STXBP4: variants seen among roughly 807,000 people sequenced by gnomAD.
STXBP4 encodes syntaxin-binding protein 4.
A neutral mutation model predicts 76.1 loss-of-function variants in STXBP4; 55 were observed. The ratio of observed to expected loss-of-function variants is 0.72; its 90% CI spans 0.58 to 0.91. The LOEUF (loss-of-function observed/expected upper bound fraction) is 0.91, where lower values mean the gene tolerates loss of function less well. Among genes scored for constraint, STXBP4 ranks in the 40% least tolerant of loss-of-function variants. STXBP4 has a pLI of 0.00. For missense variants in STXBP4, 618 were observed against 636.9 expected, an observed-to-expected ratio of 0.97 and a Z score of 0.32; for synonymous variants, 201 against 220.2, an observed-to-expected ratio of 0.91 and a Z score of 0.77.
chr17:55,055,837 C>G (rs1245264039), intron 12 of STXBP4, among the ~76,000 whole-genome samples: 2 of 152,186 alleles, frequency 1.3e-5, no homozygotes, highest in Non-Finnish European at 2.9e-5. Flanking sequence ...ATAACTATTA[C>G]TATCTTACAT....
Position 54,984,319 on chromosome 17 carries a change from G to A in STXBP4, c.-156-1295G>A, listed in dbSNP as rs552495841. Reference sequence around the variant, plus strand: ...TGTTTCTGAGTCTTCAATTTCTCTGGGACTCTCTTTTTCTTTTTTCTTTTT... The same window carrying A: ...TGTTTCTGAGTCTTCAATTTCTCTGAGACTCTCTTTTTCTTTTTTCTTTTT... On this transcript the variant is annotated intron_variant, in intron 1 of 17. Transcript: ENST00000376352. Among the ~76,000 whole-genome samples the A allele has an allele frequency of 3.3e-5, 5 of 149,492 alleles. No individual in the cohort carries two copies. The East Asian group carries it at 9.7e-4, about 29-fold the overall frequency.
At chr17:55,073,879 T>TC (rs1185747508) in intron 13 of STXBP4, among the ~76,000 whole-genome samples, 1 of 152,146 alleles carries the variant, frequency 6.6e-6, no homozygotes, top group Non-Finnish European at 1.5e-5. Flanking sequence ...TCCACCAGTC[T>TC]CGGCCTTCCA....
rs1264350461 is a variant in STXBP4, at chr17:55,162,773, C to G, written c.*2862C>G. On this transcript the variant is annotated 3_prime_UTR_variant, in exon 18 of 18. Coordinates refer to ENST00000376352, the MANE Select transcript of STXBP4 (RefSeq NM_178509.6). ...GAGTGATTTTACTCAAAGGAAATCA[C>G]ACTATTAAGCAGCTTGGTTTTGACA... 6.6e-6 allele frequency: 1 copy of G among 152,154 alleles called. No homozygotes were observed. Among genetic ancestry groups the G allele is most frequent in the Non-Finnish European group, 1.5e-5 (1 of 68,020 alleles). The allele number at this position is 152,154 out of a possible 1,614,324, so 9.4% of individuals were successfully genotyped here. A position where few individuals can be genotyped will look rare whatever the true frequency, so the allele number is the denominator to read the frequency against.
At chr17:55,205,225 A>G in the STXBP4 span, among the ~76,000 whole-genome samples, 1 of 152,056 alleles carries the variant, frequency 6.6e-6, no homozygotes, top group African/African-American at 2.4e-5. Context: ...GAATAGAGAA[A>G]TAGATCTATA....
intron 8 of STXBP4, among the ~76,000 whole-genome samples, chr17:55,010,267 C>A (rs2078085690): frequency 6.6e-6 from 1 of 151,788 alleles, no homozygotes; most frequent in African/African-American, 2.4e-5. Flanking sequence ...TATATATACA[C>A]ACATACAAAC....
intron 13 of STXBP4, among the ~76,000 whole-genome samples, chr17:55,076,198 T>C (rs939447296): frequency 6.6e-6 from 1 of 152,166 alleles, no homozygotes; most frequent in Non-Finnish European, 1.5e-5. Context: ...TTTGTCAGTA[T>C]TTTAGTTCTT....
chr17:55,007,420 C>T (rs944795719), intron 7 of STXBP4, 86 bp from the exon 8 acceptor site: 3 of 889,594 alleles, frequency 3.4e-6, no homozygotes, highest in Non-Finnish European at 5.4e-6. Context: ...TATTTTTGAA[C>T]AGCAGGAACT....
rs760386476 is a variant in STXBP4, at chr17:54,992,705, C to CTTT, written c.180+1769_180+1771dup. Among the ~76,000 whole-genome samples, 201 of 96,816 alleles carry CTTT rather than the reference C, an allele frequency of 2.1e-3. 1 individual carries two copies. The highest frequency in any genetic ancestry group is 6.3e-3 in the East Asian group (17 of 2,678). The allele number at this position is 96,816 out of a possible 152,430, so 63.5% of individuals were successfully genotyped here. A position where few individuals can be genotyped will look rare whatever the true frequency, so the allele number is the denominator to read the frequency against. The stretch of plus-strand genomic sequence containing the variant: ...CCAACAAGTGATAAGAATTTGCTTC[C>CTTT]TTTTTTTTTTTTTTTTTTTTTTTGA... On this transcript the variant is annotated intron_variant, in intron 4 of 17. Transcript: ENST00000376352.
At chr17:55,052,387 G>T (rs960508732) in intron 12 of STXBP4, among the ~76,000 whole-genome samples, 13 of 152,076 alleles carry the variant, frequency 8.5e-5, no homozygotes, top group African/African-American at 3.1e-4. Context: ...AGAAGAAATC[G>T]TAATTCACGG....
chr17:55,204,028 T>C, the STXBP4 span, among the ~76,000 whole-genome samples: 2 of 152,094 alleles, frequency 1.3e-5, no homozygotes, highest in African/African-American at 2.4e-5. Context: ...AATATCTCTT[T>C]AGACATTCTT....
At chr17:55,020,944 A>G (rs1298217666) in intron 8 of STXBP4, among the ~76,000 whole-genome samples, 1 of 152,242 alleles carries the variant, frequency 6.6e-6, no homozygotes, top group African/African-American at 2.4e-5. Flanking sequence ...TTTCTTAGAC[A>G]TCAGGAACTA....
At chr17:55,076,935 A>G (rs2079190644) in intron 13 of STXBP4, among the ~76,000 whole-genome samples, 2 of 152,202 alleles carry the variant, frequency 1.3e-5, no homozygotes, top group African/African-American at 4.8e-5. Flanking sequence ...TGTCAAATCT[A>G]TAAATAAAGT....
chr17:54,997,720 G>T (rs1037581546), intron 4 of STXBP4, among the ~76,000 whole-genome samples: 12 of 147,384 alleles, frequency 8.1e-5, no homozygotes, highest in African/African-American at 2.5e-4. Context: ...TTAGCCTCCT[G>T]AGTAACTGAG....
At chr17:55,094,956 G>A (rs757720686) in intron 16 of STXBP4, among the ~76,000 whole-genome samples, 2 of 152,148 alleles carry the variant, frequency 1.3e-5, no homozygotes, top group African/African-American at 4.8e-5. Flanking sequence ...TCATTTCCAA[G>A]AAACTATTTC....
chr17:55,188,362 T>C, the STXBP4 span, among the ~76,000 whole-genome samples: 24 of 152,282 alleles, frequency 1.6e-4, no homozygotes, highest in South Asian at 5.0e-3. Context: ...GCATGATGAA[T>C]AAGTCATATG....
intron 8 of STXBP4, among the ~76,000 whole-genome samples, chr17:55,022,082 C>CT (rs778955769): frequency 0.018 from 2,454 of 139,302 alleles, 66 homozygotes; most frequent in African/African-American, 0.06. Context: ...CATGGAATGC[C>CT]TTTTTTTTTT....
intron 16 of STXBP4, among the ~76,000 whole-genome samples, chr17:55,121,763 A>G (rs1265116725): frequency 6.6e-6 from 1 of 152,044 alleles, no homozygotes; most frequent in Non-Finnish European, 1.5e-5. Context: ...GTTATAAAGT[A>G]AAGTCTGCTT....
At chr17:55,026,999 A>T (rs1228730719) in intron 8 of STXBP4, among the ~76,000 whole-genome samples, 1 of 152,082 alleles carries the variant, frequency 6.6e-6, no homozygotes, top group Non-Finnish European at 1.5e-5. Context: ...AGCTAGCTGA[A>T]ATTTAGCTAG....
chr17:55,048,509 A>G (rs1453450173), intron 12 of STXBP4, among the ~76,000 whole-genome samples: 1 of 151,874 alleles, frequency 6.6e-6, no homozygotes, highest in Non-Finnish European at 1.5e-5. Context: ...CTTAAGAAAA[A>G]TGTAACGTCA....
Sources: allele counts gnomAD v4.1 joint callset (sites outside exome capture counted in the v4.1 genomes callset), GRCh38; gene constraint gnomAD v4.1.1; transcripts MANE v1.5; gene names NCBI Gene and HGNC (gene_info 2026-07-23, HGNC 2026-07-21).